SPTB: variants seen among roughly 807,000 people sequenced by gnomAD.
SPTB encodes the protein spectrin beta chain, erythrocytic.
Under a neutral mutation model 256.2 loss-of-function variants are expected in SPTB, and 45 were observed. The ratio of observed to expected loss-of-function variants is 0.18; its 90% confidence interval spans 0.14 to 0.23. The LOEUF (loss-of-function observed/expected upper bound fraction) is 0.23, where lower values mean the gene tolerates loss of function less well. Ranked by LOEUF, SPTB falls within the 10% of genes least tolerant of loss-of-function variation. SPTB has a pLI of 1.00. For synonymous variants in SPTB, 1,231 were observed against 1,243.1 expected, an observed-to-expected ratio of 0.99 and a Z score of 0.21; for missense variants, 2,715 against 3,040.4, an observed-to-expected ratio of 0.89 and a Z score of 2.52.
chr14:64,798,568 G>T (rs960487369), intron 9 of SPTB, among the ~76,000 whole-genome samples: 4 of 152,186 alleles, frequency 2.6e-5, no homozygotes, highest in African/African-American at 7.2e-5. Flanking sequence ...TATATGCAAG[G>T]TCCCCACCCT....
intron 1 of SPTB, among the ~76,000 whole-genome samples, chr14:64,876,992 C>T (rs1445191529): frequency 1.3e-5 from 2 of 152,214 alleles, no homozygotes; most frequent in East Asian, 3.9e-4. Flanking sequence ...TAAGTATGCA[C>T]ATGGAAGGCT....
intron 31 of SPTB, 52 bp from the exon 32 acceptor site, chr14:64,766,853 G>A (rs1350202550): frequency 3.8e-6 from 6 of 1,598,268 alleles, no homozygotes; most frequent in African/African-American, 1.3e-5. Flanking sequence ...TGAGGCCAGT[G>A]CCTCCTGCGA....
intron 15 of SPTB, among the ~76,000 whole-genome samples, chr14:64,787,571 G>A (rs1465082233): frequency 6.6e-6 from 1 of 152,184 alleles, no homozygotes; most frequent in African/African-American, 2.4e-5. Flanking sequence ...CTGCCCTAGA[G>A]GAACCAAGTA....
At chr14:64,781,857 T>C (rs2082477386) in intron 20 of SPTB, among the ~76,000 whole-genome samples, 1 of 152,110 alleles carries the variant, frequency 6.6e-6, no homozygotes, top group South Asian at 2.1e-4. Flanking sequence ...ATATGATACA[T>C]ATACACCATG....
At position 64,749,968 on chromosome 14, in the gene SPTB, A is replaced by G; in HGVS notation, c.6776+13T>C. Reference sequence around the variant, plus strand: ...CCATCAACCCGAGCTTTCAAAGGCCAGGAAGGCCTCACCTCAGCTTAAAGA... The same window carrying G: ...CCATCAACCCGAGCTTTCAAAGGCCGGGAAGGCCTCACCTCAGCTTAAAGA... On this transcript the variant is annotated intron_variant, in intron 34 of 35. Transcript: ENST00000644917. This position sits in a 1 kb window ranked among gnomAD's most constrained non-coding sequence, Gnocchi z 4.7. The G allele has an allele frequency of 3.1e-6, 5 of 1,614,214 alleles. No homozygotes were observed. The East Asian group carries it at 8.9e-5, about 29-fold the overall frequency.
intron 1 of SPTB, among the ~76,000 whole-genome samples, chr14:64,830,402 G>A (rs1217380105): frequency 6.7e-6 from 1 of 148,966 alleles, no homozygotes; most frequent in Non-Finnish European, 1.5e-5. Flanking sequence ...TTTTGAGATG[G>A]AATTTCACTC....
At chr14:64,848,020 T>C (rs910270219) in intron 1 of SPTB, among the ~76,000 whole-genome samples, 23 of 152,148 alleles carry the variant, frequency 1.5e-4, no homozygotes, top group Admixed American at 6.5e-5. Context: ...CTTTTCACTG[T>C]CTCCTGAGAA....
chr14:64,819,543 G>C (rs1471828160), intron 2 of SPTB, among the ~76,000 whole-genome samples: 6 of 126,926 alleles, frequency 4.7e-5, no homozygotes, highest in African/African-American at 1.9e-4. Flanking sequence ...GTCTTATGGA[G>C]AGAGAGAGAC....
rs138035362 is a variant in SPTB, at chr14:64,837,459, G to A, written c.-51-14314C>T. The stretch of plus-strand genomic sequence containing the variant: ...GAAACCAAAGATCTAAATAAATAGG[G>A]AAATATACCATGCCTAGGGATTGGA... On this transcript the variant is annotated intron_variant, in intron 1 of 35. Coordinates refer to ENST00000644917, the MANE Select transcript of SPTB (RefSeq NM_001355436.2). Among the ~76,000 whole-genome samples the A allele has an allele frequency of 4.6e-5, 7 of 152,190 alleles. No homozygotes were observed. In the East Asian group the frequency reaches 1.4e-3, roughly 29 times the overall value.
chr14:64,863,221 A>G (rs1041408223), intron 1 of SPTB, among the ~76,000 whole-genome samples: 1 of 152,130 alleles, frequency 6.6e-6, no homozygotes, highest in African/African-American at 2.4e-5. Context: ...GGGGTGTCCA[A>G]TCTTTTGGCT....
At chr14:64,780,895 G>C (rs1302491463) in intron 20 of SPTB, among the ~76,000 whole-genome samples, 4 of 152,170 alleles carry the variant, frequency 2.6e-5, no homozygotes, top group African/African-American at 7.2e-5. Flanking sequence ...CAATGGAACA[G>C]AGTAGAGAGT....
chr14:64,769,114 C>A lies in SPTB; in HGVS notation c.5942G>T (p.Arg1981Leu), dbSNP rs146513976. 3 of 1,613,572 alleles carry A rather than the reference C, an allele frequency of 1.9e-6. No homozygotes were observed. Among genetic ancestry groups the A allele is most frequent in the East Asian group, 2.2e-5 (1 of 44,882 alleles). The change falls in exon 29 of 36, where the codon CGC (arginine) becomes CTC (leucine). Residue 1981 changes from arginine to leucine, a missense_variant. By Grantham distance (102) the Arg-to-Leu change is moderately radical (BLOSUM62 -2). This residue lies in a region of SPTB where 2,239 missense variants were observed against 2,384.4 expected (regional missense o/e 0.94). Coordinates refer to ENST00000644917, the MANE Select transcript of SPTB (RefSeq NM_001355436.2). ...GGACATCACCTGCTGCAGTTTCTCG[C>A]GGATCTATGGGGAGGAAAGGGAGAA... The part of the protein sequence containing the change: ...QRQHQASEEI[R>L]EKLQQVMSRR...
chr14:64,801,757 T>G lies in SPTB; in HGVS notation c.644A>C (p.His215Pro). The G allele has an allele frequency of 6.2e-7, 1 of 1,614,096 alleles. No homozygotes were observed. The highest frequency in any genetic ancestry group is 8.5e-7 in the Non-Finnish European group (1 of 1,179,972). Residue 215 changes from histidine (H) to proline (P), a missense_variant, in exon 6 of 36, where the codon CAC (histidine) becomes CCC (proline). This residue lies in a region of SPTB where 416 missense variants were observed against 571.1 expected (regional missense o/e 0.73). Transcript: ENST00000644917. ...GLAFNALIHKHRPDLIDFDKL... is the reference protein window; with the variant it reads ...GLAFNALIHKPRPDLIDFDKL... Reference sequence around the variant, plus strand: ...ACGGCTGTCCCCTCCCTCTTACCGGTGCTTGTGTATCAGGGCATTAAAGGC... The same window carrying G: ...ACGGCTGTCCCCTCCCTCTTACCGGGGCTTGTGTATCAGGGCATTAAAGGC...
Position 64,793,954 on chromosome 14 carries a change from C to T in SPTB, c.1796-87G>A. The T allele has an allele frequency of 7.1e-7, 1 of 1,413,800 alleles. No individual in the cohort carries two copies. The highest frequency in any genetic ancestry group is 9.5e-7 in the Non-Finnish European group (1 of 1,055,440). 87.6% of individuals were successfully genotyped at this position (1,413,800 alleles called of 1,614,324 possible). Reference sequence around the variant, plus strand: ...CAGATAAGCTGCTAGGTTGGAACTACACAACCCTGAAGCTGCCATGTCACT... The same window carrying T: ...CAGATAAGCTGCTAGGTTGGAACTATACAACCCTGAAGCTGCCATGTCACT... On this transcript the variant is annotated intron_variant, in intron 13 of 35. Coordinates refer to ENST00000644917, the MANE Select transcript of SPTB (RefSeq NM_001355436.2). This position sits in a 1 kb window ranked among gnomAD's most constrained non-coding sequence, Gnocchi z 7.0.
intron 20 of SPTB, 111 bp from the exon 21 acceptor site, chr14:64,780,042 C>T: frequency 1.0e-6 from 1 of 956,906 alleles, no homozygotes; most frequent in South Asian, 1.3e-5. Context: ...TTGAGCTCAA[C>T]TTCCTCCAAG....
chr14:64,803,292 A>C (rs1194813446), intron 4 of SPTB, among the ~76,000 whole-genome samples: 1 of 152,198 alleles, frequency 6.6e-6, no homozygotes, highest in Non-Finnish European at 1.5e-5. Flanking sequence ...TTCAAAAACC[A>C]AGAAGTTACA....
At chr14:64,769,380 C>T (rs569515851) in intron 28 of SPTB, among the ~76,000 whole-genome samples, 18 of 152,332 alleles carry the variant, frequency 1.2e-4, no homozygotes, top group South Asian at 2.1e-4. Context: ...GGCTGCTCTC[C>T]GTTACTGAGT....
In SPTB at chr14:64,787,166, G is replaced by A. The variant is rs377641220; in HGVS notation, c.2805-6C>T. The A allele has an allele frequency of 1.4e-5, 23 of 1,603,030 alleles. No individual in the cohort carries two copies. Among genetic ancestry groups the A allele is most frequent in the Admixed American group, 3.3e-5 (2 of 59,988 alleles). ...GGGTCTGAAATGCCTGCCACCTGCC[G>A]GATGGGGACACAGCCCGGAGGAGAG... On this transcript the variant is annotated splice_region_variant and splice_polypyrimidine_tract_variant and intron_variant, in intron 15 of 35. Coordinates refer to ENST00000644917, the MANE Select transcript of SPTB (RefSeq NM_001355436.2).
rs11302191 is a variant in SPTB at position 64,869,621 on chromosome 14, A to AT, written c.-52+10170dup. On this transcript the variant is annotated intron_variant, in intron 1 of 35. Transcript: ENST00000644917. ...CACTGTGCTTGGTCAGATTTTTTAA[A>AT]TTTTTTTTTTTTTTTTTTGAGACAG... 8.5e-4 allele frequency among the ~76,000 whole-genome samples: 119 copies of AT among 139,532 alleles called. 1 individual carries two copies. Among genetic ancestry groups the AT allele is most frequent in the African/African-American group, 2.3e-3 (87 of 37,040 alleles). The allele number at this position is 139,532 out of a possible 152,430, so 91.5% of individuals were successfully genotyped here.
Sources: gnomAD v4.1 joint callset for allele counts (sites outside exome capture counted in the v4.1 genomes callset) on GRCh38, gnomAD v4.1.1 for gene constraint, gnomAD v4.1.1 regional missense constraint, Gnocchi (gnomAD v3.1) non-coding constraint, MANE v1.5 for transcripts, NCBI Gene and HGNC (gene_info 2026-07-23, HGNC 2026-07-21) for gene names.